The following WLS variants were observed in gnomAD, a reference collection of about 807,000 sequenced individuals.
WLS encodes Wnt ligand secretion mediator, also known as protein wntless homolog.
A neutral mutation model predicts 62.8 loss-of-function variants in WLS; 23 were observed. The ratio of observed to expected loss-of-function variants is 0.37; its 90% confidence interval spans 0.26 to 0.52. The LOEUF is 0.52. Ranked by LOEUF, WLS falls within the 20% of genes least tolerant of loss-of-function variation. The pLI is 0.92. For synonymous variants in WLS, 246 were observed against 244.1 expected (o/e 1.01, Z -0.07); for missense variants, 615 against 697.3 (o/e 0.88, Z 1.33).
intron 2 of WLS, among the ~76,000 whole-genome samples, chr1:68,163,996 A>C (rs891022265): frequency 6.6e-6 from 1 of 152,238 alleles, no homozygotes; most frequent in Non-Finnish European, 1.5e-5. Context: ...CCTGGTTCTC[A>C]GAAGAAATCT....
rs1464633942 is a variant in WLS, at chr1:68,107,595, G to A, written c.1511-8842C>T. 2.0e-5 allele frequency among the ~76,000 whole-genome samples: 3 copies of A among 152,154 alleles called. No homozygotes were observed. The East Asian group carries it at 5.8e-4, about 29-fold the overall frequency. On this transcript the variant is annotated intron_variant, in intron 11 of 11. Transcript: ENST00000354777. ...ATTAACTGAAGAAATACATGTGAAA[G>A]TACCTTTCAACTGTACCTCACTCTG...
chr1:68,168,242 C>A (rs1293181612), intron 2 of WLS, among the ~76,000 whole-genome samples: 1 of 152,048 alleles, frequency 6.6e-6, no homozygotes, highest in Non-Finnish European at 1.5e-5. Context: ...GCCACTAGAG[C>A]CTTAATTGAG....
At chr1:68,219,634 T>C (rs1024034872) in intron 1 of WLS, among the ~76,000 whole-genome samples, 7 of 152,174 alleles carry the variant, frequency 4.6e-5, no homozygotes, top group South Asian at 2.1e-4. Context: ...ACAGATATTA[T>C]TGGGTACCTA....
At chr1:68,170,368 A>G (rs1000518743) in intron 2 of WLS, among the ~76,000 whole-genome samples, 2 of 151,642 alleles carry the variant, frequency 1.3e-5, no homozygotes, top group African/African-American at 4.8e-5. Flanking sequence ...GGGTTTCTCC[A>G]TGTTGGTCAG....
At chr1:68,218,856 C>T (rs1649837046) in intron 1 of WLS, among the ~76,000 whole-genome samples, 1 of 152,172 alleles carries the variant, frequency 6.6e-6, no homozygotes, top group Non-Finnish European at 1.5e-5. Flanking sequence ...ATTTTCCTGT[C>T]AAGGGCATTT....
chr1:68,178,475 G>A (rs746080013), intron 2 of WLS, among the ~76,000 whole-genome samples: 16 of 152,068 alleles, frequency 1.1e-4, no homozygotes, highest in Admixed American at 2.0e-4. Flanking sequence ...TTGGGAAGCC[G>A]AGGTGGGCAG....
intron 1 of WLS, among the ~76,000 whole-genome samples, chr1:68,214,137 A>G (rs1649634071): frequency 6.6e-6 from 1 of 151,640 alleles, no homozygotes; most frequent in Non-Finnish European, 1.5e-5. Flanking sequence ...AGGAATTGTC[A>G]CTAATGATCT....
At chr1:68,210,198 G>C (rs889603716) in intron 1 of WLS, among the ~76,000 whole-genome samples, 3 of 152,220 alleles carry the variant, frequency 2.0e-5, no homozygotes, top group African/African-American at 7.2e-5. Flanking sequence ...ACAAACAGTA[G>C]CTGGTTGCCA....
chr1:68,117,646 G>T (rs905798571), intron 11 of WLS: 4 of 152,290 alleles, frequency 2.6e-5, no homozygotes, highest in African/African-American at 9.6e-5. Flanking sequence ...TGCAGCTCTC[G>T]TGTTTCCTCT....
At chr1:68,182,719 T>G (rs957259287) in intron 2 of WLS, among the ~76,000 whole-genome samples, 3 of 152,202 alleles carry the variant, frequency 2.0e-5, no homozygotes, top group African/African-American at 7.2e-5. Context: ...GAGATCTTTT[T>G]GATGTATTTT....
intron 2 of WLS, among the ~76,000 whole-genome samples, chr1:68,183,284 G>A (rs1411511537): frequency 6.6e-6 from 1 of 152,144 alleles, no homozygotes; most frequent in Non-Finnish European, 1.5e-5. Flanking sequence ...TTTGGTGGGA[G>A]TAGTAGTAGG....
At chr1:68,131,046 C>G (rs1210408871) in intron 11 of WLS, among the ~76,000 whole-genome samples, 1 of 132,816 alleles carries the variant, frequency 7.5e-6, no homozygotes, top group African/African-American at 2.8e-5. Flanking sequence ...GCGCATGCCA[C>G]CATGCCCAGC....
intron 1 of WLS, among the ~76,000 whole-genome samples, chr1:68,195,896 T>C (rs1648634452): frequency 6.6e-6 from 1 of 152,076 alleles, no homozygotes; most frequent in African/African-American, 2.4e-5. Flanking sequence ...TCTTAAATAT[T>C]TAAATTATAG....
At chr1:68,188,016 C>T (rs1363090813) in intron 2 of WLS, among the ~76,000 whole-genome samples, 3 of 152,134 alleles carry the variant, frequency 2.0e-5, no homozygotes, top group Non-Finnish European at 4.4e-5. Context: ...AATTATAGGC[C>T]AGTCACCTTC....
intron 2 of WLS, among the ~76,000 whole-genome samples, chr1:68,193,429 A>C (rs959008477): frequency 6.4e-5 from 9 of 139,614 alleles, no homozygotes; most frequent in African/African-American, 2.0e-4. Flanking sequence ...AAAAAAAAAA[A>C]AAAAAAAAAA....
intron 2 of WLS, among the ~76,000 whole-genome samples, chr1:68,192,070 G>C (rs1341441599): frequency 6.6e-6 from 1 of 152,204 alleles, no homozygotes; most frequent in African/African-American, 2.4e-5. Context: ...TTAGCCGTAA[G>C]TTCCTTAAAG....
intron 11 of WLS, among the ~76,000 whole-genome samples, chr1:68,111,504 C>A (rs1646228428): frequency 6.6e-6 from 1 of 152,190 alleles, no homozygotes; most frequent in Non-Finnish European, 1.5e-5. Context: ...AGCATTTAAA[C>A]ACGGAGGAGG....
intron 11 of WLS, among the ~76,000 whole-genome samples, chr1:68,129,709 CATCACCTCCTACTTCT>C (rs1190067208): frequency 2.0e-5 from 3 of 152,136 alleles, no homozygotes; most frequent in South Asian, 2.1e-4. Flanking sequence ...CTCCTAATTC[CATCACCTCCTACTTCT>C]GCCAAGGTCT....
At chr1:68,101,040 T>C (rs1048815472) in intron 11 of WLS, among the ~76,000 whole-genome samples, 1 of 152,176 alleles carries the variant, frequency 6.6e-6, no homozygotes, top group African/African-American at 2.4e-5. Flanking sequence ...GCTTTACCCC[T>C]CTCTCCCTTG....
Sources: allele counts gnomAD v4.1 joint callset (sites outside exome capture counted in the v4.1 genomes callset), GRCh38; gene constraint gnomAD v4.1.1; transcripts MANE v1.5; gene names NCBI Gene and HGNC (gene_info 2026-07-23, HGNC 2026-07-21).